The following CALN1 variants were observed in gnomAD, a reference collection of about 807,000 sequenced individuals.
CALN1 encodes the protein calcium-binding protein 8.
In CALN1, 17 loss-of-function variants were observed where a neutral mutation model predicts 30.6. That is an observed-to-expected ratio of 0.56 (90% CI 0.38 to 0.83). CALN1 has a LOEUF of 0.83. CALN1 is among the 40% of genes least tolerant of loss of function. The pLI is 0.00. For synonymous variants in CALN1, 156 were observed against 131.4 expected (o/e 1.19, Z -1.28); for missense variants, 291 against 354.9 (o/e 0.82, Z 1.45).
intron 4 of CALN1, among the ~76,000 whole-genome samples, chr7:72,042,792 A>C (rs1174384208): frequency 6.6e-6 from 1 of 152,180 alleles, no homozygotes; most frequent in East Asian, 1.9e-4. Flanking sequence ...CATAAACCAT[A>C]TTGTTTGAAC....
chr7:71,926,542 T>C (rs1795280666), intron 5 of CALN1, among the ~76,000 whole-genome samples: 1 of 152,226 alleles, frequency 6.6e-6, no homozygotes, highest in South Asian at 2.1e-4. Context: ...TGTCTTATAT[T>C]ATTTGTAGAT....
At chr7:71,965,192 T>C (rs1797471682) in intron 5 of CALN1, among the ~76,000 whole-genome samples, 1 of 152,058 alleles carries the variant, frequency 6.6e-6, no homozygotes. Context: ...CCCACCCAGC[T>C]AAACTTTTTA....
intron 3 of CALN1, among the ~76,000 whole-genome samples, chr7:72,115,376 C>T (rs1347464687): frequency 6.9e-6 from 1 of 145,324 alleles, no homozygotes; most frequent in Non-Finnish European, 1.5e-5. Flanking sequence ...ATGGAAAGAT[C>T]TATTTTATTT....
At chr7:72,370,112 T>C (rs1804136694) in intron 2 of CALN1, among the ~76,000 whole-genome samples, 1 of 152,250 alleles carries the variant, frequency 6.6e-6, no homozygotes, top group Admixed American at 6.5e-5. Context: ...CCAATGACTC[T>C]ACATTGTCAC....
intron 5 of CALN1, among the ~76,000 whole-genome samples, chr7:71,853,413 T>C (rs1415767141): frequency 6.6e-6 from 1 of 152,146 alleles, no homozygotes; most frequent in Non-Finnish European, 1.5e-5. Flanking sequence ...ATTTAACATA[T>C]ACATTATCTC....
chr7:71,808,230 G>A (rs1473347502), intron 6 of CALN1, among the ~76,000 whole-genome samples: 1 of 147,354 alleles, frequency 6.8e-6, no homozygotes, highest in East Asian at 2.0e-4. Flanking sequence ...TTACCATAAT[G>A]GTTAATTAAT....
the CALN1 span, among the ~76,000 whole-genome samples, chr7:72,501,686 G>A: frequency 1.3e-5 from 2 of 150,754 alleles, no homozygotes; most frequent in African/African-American, 2.4e-5. Flanking sequence ...TGAGGTGGGC[G>A]GATCATGAAG....
chr7:71,902,491 A>C (rs1378386157), intron 5 of CALN1, among the ~76,000 whole-genome samples: 2 of 152,158 alleles, frequency 1.3e-5, no homozygotes. Context: ...TAGAGAACCC[A>C]AAAATAAAGC....
chr7:72,346,406 A>G (rs1585550922), intron 2 of CALN1, among the ~76,000 whole-genome samples: 1 of 152,236 alleles, frequency 6.6e-6, no homozygotes, highest in Admixed American at 6.5e-5. Context: ...CACCTAACTG[A>G]AGGATGAAGA....
At chr7:72,436,810 CT>C (rs1349646931) in intron 1 of CALN1, among the ~76,000 whole-genome samples, 1 of 152,144 alleles carries the variant, frequency 6.6e-6, no homozygotes, top group Non-Finnish European at 1.5e-5. Context: ...CTTCCCAGCC[CT>C]ACTGAATCAG....
At chr7:72,203,583 C>T (rs1791595616) in intron 3 of CALN1, among the ~76,000 whole-genome samples, 1 of 152,124 alleles carries the variant, frequency 6.6e-6, no homozygotes, top group Non-Finnish European at 1.5e-5. Flanking sequence ...TGGATCACAT[C>T]CTGACTACTA....
At chr7:71,998,747 A>G (rs1047600516) in intron 5 of CALN1, among the ~76,000 whole-genome samples, 7 of 151,886 alleles carry the variant, frequency 4.6e-5, no homozygotes, top group Non-Finnish European at 8.8e-5. Context: ...AGTAGAGATG[A>G]GGTTTCACCA....
At chr7:72,260,281 A>G (rs1796176977) in intron 3 of CALN1, among the ~76,000 whole-genome samples, 1 of 152,242 alleles carries the variant, frequency 6.6e-6, no homozygotes, top group South Asian at 2.1e-4. Flanking sequence ...AGCATGGATT[A>G]GCAACTGATG....
At chr7:72,214,087 C>G (rs1792599262) in intron 3 of CALN1, among the ~76,000 whole-genome samples, 1 of 152,240 alleles carries the variant, frequency 6.6e-6, no homozygotes, top group Admixed American at 6.5e-5. Flanking sequence ...CCCAGCTCAA[C>G]CCTGTCTACT....
At chr7:72,496,966 C>T in the CALN1 span, among the ~76,000 whole-genome samples, 1 of 152,074 alleles carries the variant, frequency 6.6e-6, no homozygotes, top group East Asian at 1.9e-4. Context: ...AACTGAGAGA[C>T]AAGGAATGTG....
chr7:72,023,549 C>A (rs1800852735), intron 5 of CALN1, 108 bp downstream of exon 5: 3 of 767,278 alleles, frequency 3.9e-6, no homozygotes, highest in Non-Finnish European at 6.6e-6. Flanking sequence ...GTCGCTCAGC[C>A]CAGAAGAGAT....
intron 3 of CALN1, among the ~76,000 whole-genome samples, chr7:72,112,167 G>C (rs1807626184): frequency 6.6e-6 from 1 of 152,148 alleles, no homozygotes; most frequent in Admixed American, 6.5e-5. Flanking sequence ...AACAGCAAAA[G>C]CACAGCTATC....
At chr7:72,395,356 C>CACACACACGCT (rs1562945060) in intron 2 of CALN1, among the ~76,000 whole-genome samples, 4 of 38,580 alleles carry the variant, frequency 1.0e-4, no homozygotes, top group African/African-American at 5.6e-4. Context: ...TGCGCACGCG[C>CACACACACGCT]GCGCACACAC....
At chr7:72,364,656 A>G (rs1400857548) in intron 2 of CALN1, among the ~76,000 whole-genome samples, 1 of 152,236 alleles carries the variant, frequency 6.6e-6, no homozygotes, top group Non-Finnish European at 1.5e-5. Flanking sequence ...GGAATTCTGA[A>G]TATTGATAAA....
Sources: gnomAD v4.1 joint callset for allele counts (sites outside exome capture counted in the v4.1 genomes callset) on GRCh38, gnomAD v4.1.1 for gene constraint, MANE v1.5 for transcripts, NCBI Gene and HGNC (gene_info 2026-07-23, HGNC 2026-07-21) for gene names.